TCF4: variants seen among roughly 807,000 people sequenced by gnomAD.
TCF4 encodes the protein SL3-3 enhancer factor 2.
In TCF4, 3 loss-of-function variants were observed where a neutral mutation model predicts 82.1. The observed-to-expected ratio is 0.04, with a 90% CI of 0.02 to 0.09. TCF4 has a LOEUF of 0.09. Ranked by LOEUF, TCF4 falls within the 10% of genes least tolerant of loss-of-function variation. The pLI, the probability that TCF4 is intolerant of heterozygous loss-of-function variation, is 1.00. For missense variants in TCF4, 518 were observed against 852.7 expected (o/e 0.61, Z 4.89); for synonymous variants, 276 against 309.6 (o/e 0.89, Z 1.14).
At chr18:55,394,083 A>G (rs530850017) in intron 6 of TCF4, among the ~76,000 whole-genome samples, 2 of 152,330 alleles carry the variant, frequency 1.3e-5, no homozygotes, top group Admixed American at 6.5e-5. Context: ...CCACACACAC[A>G]TGTTCTTTAA....
rs200819043 is a variant in TCF4 at position 55,416,912 on chromosome 18, C to A, written c.305-13394G>T. On this transcript the variant is annotated intron_variant, in intron 5 of 19. Transcript: ENST00000354452. ...AACTGTGTGTCTCTTCTTTGCACTTCTACCACAATCCTTCATCCTGCAGCC... is the reference window on the plus strand; with the variant it reads ...AACTGTGTGTCTCTTCTTTGCACTTATACCACAATCCTTCATCCTGCAGCC... Among the ~76,000 whole-genome samples the A allele has an allele frequency of 7.2e-5, 11 of 152,294 alleles. No homozygotes were observed. The East Asian group carries it at 2.1e-3, about 29-fold the overall frequency.
At chr18:55,420,889 C>A (rs1358492592) in intron 5 of TCF4, among the ~76,000 whole-genome samples, 1 of 139,488 alleles carries the variant, frequency 7.2e-6, no homozygotes, top group African/African-American at 2.7e-5. Context: ...CAGCAGAAAG[C>A]GCTTTAAAAG....
intron 3 of TCF4, among the ~76,000 whole-genome samples, chr18:55,480,296 A>AAAGGGG (rs1568175293): frequency 3.2e-5 from 2 of 63,354 alleles, no homozygotes; most frequent in Non-Finnish European, 6.0e-5. Flanking sequence ...AAAAAAAAAA[A>AAAGGGG]GCGGGGGGGC....
At chr18:55,531,338 T>C (rs930328738) in intron 3 of TCF4, among the ~76,000 whole-genome samples, 3 of 152,186 alleles carry the variant, frequency 2.0e-5, no homozygotes, top group Non-Finnish European at 4.4e-5. Context: ...GGATAGGTAC[T>C]GTGACTTATT....
At chr18:55,563,975 C>T (rs143250786) in intron 3 of TCF4, among the ~76,000 whole-genome samples, 9 of 152,134 alleles carry the variant, frequency 5.9e-5, no homozygotes, top group African/African-American at 2.2e-4. Context: ...TATTAATCAG[C>T]AGATTCTATT....
intron 11 of TCF4, chr18:55,268,255 T>C (rs1024961384): frequency 6.6e-6 from 1 of 152,204 alleles, no homozygotes; most frequent in African/African-American, 2.4e-5. Context: ...ACAGGAAATC[T>C]GTCTTGTAAA....
chr18:55,388,411 C>T (rs948618629), intron 6 of TCF4, among the ~76,000 whole-genome samples: 7 of 152,186 alleles, frequency 4.6e-5, no homozygotes, highest in Admixed American at 6.5e-5. Flanking sequence ...ATGGGCGGTA[C>T]GCACCACGCT....
chr18:55,245,072 T>C (rs1011316540), intron 15 of TCF4, among the ~76,000 whole-genome samples: 2 of 152,216 alleles, frequency 1.3e-5, no homozygotes, highest in African/African-American at 4.8e-5. Flanking sequence ...GAGGAAGCTA[T>C]AATTATGCAC....
chr18:55,366,486 A>G (rs987843029), intron 6 of TCF4, among the ~76,000 whole-genome samples: 1 of 152,246 alleles, frequency 6.6e-6, no homozygotes. Context: ...ATTGTGAAAT[A>G]CCTATGGCCC....
chr18:55,310,013 A>C (rs1204792564), intron 8 of TCF4, among the ~76,000 whole-genome samples: 1 of 152,234 alleles, frequency 6.6e-6, no homozygotes, highest in Non-Finnish European at 1.5e-5. Flanking sequence ...AGAATGTTAA[A>C]ATTTTCTTTT....
At chr18:55,504,502 T>C (rs753129147) in intron 3 of TCF4, among the ~76,000 whole-genome samples, 1 of 152,252 alleles carries the variant, frequency 6.6e-6, no homozygotes, top group Non-Finnish European at 1.5e-5. Flanking sequence ...AATTCTTCAA[T>C]GCTTTAGAGA....
chr18:55,234,528 C>T lies in TCF4; in HGVS notation c.1486+20G>A. 6.2e-7 allele frequency: 1 copy of T among 1,614,158 alleles called. No individual in the cohort carries two copies. Among genetic ancestry groups the T allele is most frequent in the South Asian group, 1.1e-5 (1 of 91,086 alleles). On this transcript the variant is annotated intron_variant, in intron 16 of 19. Transcript: ENST00000354452. ...TATTGTGAAAGTGAGGTCAGAAGTG[C>T]CCTGGTGAGGCCAACCTACCTCTGT...
chr18:55,427,992 G>C (rs1017099310), intron 5 of TCF4, among the ~76,000 whole-genome samples: 1 of 152,068 alleles, frequency 6.6e-6, no homozygotes, highest in African/African-American at 2.4e-5. Context: ...ATAAACAATA[G>C]AGAAAAATCA....
intron 8 of TCF4, among the ~76,000 whole-genome samples, chr18:55,303,215 C>T (rs1471554297): frequency 7.4e-6 from 1 of 135,104 alleles, no homozygotes; most frequent in Non-Finnish European, 1.6e-5. Flanking sequence ...TCCAACCTGG[C>T]TCCCAGTACG....
intron 2 of TCF4, among the ~76,000 whole-genome samples, chr18:55,601,097 A>G (rs1488420055): frequency 6.6e-6 from 1 of 152,184 alleles, no homozygotes; most frequent in Non-Finnish European, 1.5e-5. Flanking sequence ...CCATGTTAAT[A>G]CAGTAGACAG....
At chr18:55,539,431 A>G (rs1157386044) in intron 3 of TCF4, among the ~76,000 whole-genome samples, 2 of 152,186 alleles carry the variant, frequency 1.3e-5, no homozygotes, top group African/African-American at 4.8e-5. Context: ...TAGTTTGGGA[A>G]CCACAAGCCA....
At chr18:55,420,567 G>A (rs1380700062) in intron 5 of TCF4, among the ~76,000 whole-genome samples, 1 of 146,794 alleles carries the variant, frequency 6.8e-6, no homozygotes, top group Non-Finnish European at 1.5e-5. Flanking sequence ...CAGGATTCCG[G>A]GGGCTAATAC....
At chr18:55,506,262 C>T (rs1013416389) in intron 3 of TCF4, among the ~76,000 whole-genome samples, 5 of 152,194 alleles carry the variant, frequency 3.3e-5, no homozygotes, top group Admixed American at 6.5e-5. Flanking sequence ...CCTCATCCCA[C>T]GTGATTCTAT....
chr18:55,442,927 T>A lies in TCF4; in HGVS notation c.304+18092A>T, dbSNP rs543315309. Among the ~76,000 whole-genome samples, 149 of 152,344 alleles carry A rather than the reference T, an allele frequency of 9.8e-4. 2 individuals carry two copies. In the South Asian group the frequency reaches 0.015, roughly 15 times the overall value. ...TCTACAGAAATCCTACACACTGGTA[T>A]AAATGAACCAAGATGGACTAGCTTT... On this transcript the variant is annotated intron_variant, in intron 5 of 19. Transcript: ENST00000354452.
Sources: allele counts gnomAD v4.1 joint callset (sites outside exome capture counted in the v4.1 genomes callset), GRCh38; gene constraint gnomAD v4.1.1; transcripts MANE v1.5; gene names NCBI Gene and HGNC (gene_info 2026-07-23, HGNC 2026-07-21).